Variants in FBXL13 observed in about 807,000 individuals in gnomAD.
The protein encoded by FBXL13 is F-box and leucine-rich repeat protein 13.
A neutral mutation model predicts 83.6 loss-of-function variants in FBXL13; 67 were observed. The observed-to-expected ratio is 0.80, with a 90% CI of 0.66 to 0.98. The LOEUF is 0.98. Ranked by LOEUF, FBXL13 falls within the 50% of genes least tolerant of loss-of-function variation. The pLI, the probability that FBXL13 is intolerant of heterozygous loss-of-function variation, is 0.00. For synonymous variants in FBXL13, 272 were observed against 299.5 expected (o/e 0.91, Z 0.95); for missense variants, 822 against 866.5 (o/e 0.95, Z 0.64).
chr7:102,934,225 T>A, intron 8 of FBXL13: 1 of 1,614,210 alleles, frequency 6.2e-7, no homozygotes, highest in Non-Finnish European at 8.5e-7. Context: ...TTTCCAAGTT[T>A]AAAAAGCTGA....
intron 16 of FBXL13, chr7:102,874,464 T>C (rs900691168): frequency 1.6e-5 from 8 of 500,792 alleles, no homozygotes; most frequent in African/African-American, 4.2e-5. Context: ...TACTTCCCCA[T>C]AGATATCCAT....
chr7:103,043,217 A>G (rs1284256367), intron 2 of FBXL13, among the ~76,000 whole-genome samples: 1 of 152,266 alleles, frequency 6.6e-6, no homozygotes, highest in Non-Finnish European at 1.5e-5. Context: ...AACATATGAA[A>G]AAAAGCTCAT....
intron 17 of FBXL13, among the ~76,000 whole-genome samples, chr7:102,847,946 T>C (rs538736900): frequency 1.2e-4 from 19 of 152,348 alleles, no homozygotes; most frequent in African/African-American, 4.6e-4. Context: ...TAAATACATA[T>C]ACACATTGAC....
At chr7:102,869,063 T>C (rs1181834574) in intron 16 of FBXL13, among the ~76,000 whole-genome samples, 1 of 152,210 alleles carries the variant, frequency 6.6e-6, no homozygotes, top group Non-Finnish European at 1.5e-5. Context: ...GCTAATGTTT[T>C]CCATAATGGC....
intron 2 of FBXL13, among the ~76,000 whole-genome samples, chr7:103,048,567 C>A (rs1307619039): frequency 1.3e-5 from 2 of 152,128 alleles, no homozygotes; most frequent in East Asian, 3.9e-4. Flanking sequence ...ACAGACAAAT[C>A]TATCTAATCT....
chr7:102,900,512 G>A (rs1302292665), intron 11 of FBXL13, among the ~76,000 whole-genome samples: 1 of 152,176 alleles, frequency 6.6e-6, no homozygotes, highest in Non-Finnish European at 1.5e-5. Flanking sequence ...TCTTCGAGGT[G>A]AAAACCTTAA....
intron 17 of FBXL13, among the ~76,000 whole-genome samples, chr7:102,834,430 GATTATATAT>G (rs1015400343): frequency 6.4e-5 from 9 of 139,878 alleles, no homozygotes; most frequent in Non-Finnish European, 1.4e-4. Flanking sequence ...ATATATGTGT[GATTATATAT>G]ATTATATATA....
chr7:103,012,232 G>A (rs970400971), intron 6 of FBXL13, among the ~76,000 whole-genome samples: 41 of 152,036 alleles, frequency 2.7e-4, no homozygotes, highest in African/African-American at 8.7e-4. Flanking sequence ...AAAATTAGCC[G>A]GGCGTGGTGG....
intron 1 of FBXL13, among the ~76,000 whole-genome samples, chr7:103,067,749 A>G (rs917226522): frequency 6.6e-6 from 1 of 152,254 alleles, no homozygotes; most frequent in Non-Finnish European, 1.5e-5. Context: ...CTCAAGCAAT[A>G]ATATTCTGTC....
intron 6 of FBXL13, among the ~76,000 whole-genome samples, chr7:103,006,064 C>G (rs889041683): frequency 1.3e-5 from 2 of 152,110 alleles, no homozygotes. Flanking sequence ...GTATTGTGAT[C>G]TCCAAAAGAA....
chr7:102,911,157 G>C (rs1448397282), intron 11 of FBXL13, among the ~76,000 whole-genome samples: 1 of 152,202 alleles, frequency 6.6e-6, no homozygotes, highest in African/African-American at 2.4e-5. Context: ...CCACCATCTT[G>C]CTTCACCTCC....
At chr7:102,879,439 A>ATGTGTG (rs139051886) in intron 14 of FBXL13, among the ~76,000 whole-genome samples, 24,567 of 144,630 alleles carry the variant, frequency 0.17, 2,094 homozygotes, top group Middle Eastern at 0.2. Context: ...GCAGTTAAGG[A>ATGTGTG]TGTGTGTGTG....
chr7:102,960,081 T>G (rs1407608045), intron 8 of FBXL13, among the ~76,000 whole-genome samples: 2 of 152,104 alleles, frequency 1.3e-5, no homozygotes, highest in South Asian at 2.1e-4. Context: ...AAAGATGGTT[T>G]TACTGTCTAT....
chr7:102,856,374 T>A (rs948508707), intron 16 of FBXL13, among the ~76,000 whole-genome samples: 5 of 152,224 alleles, frequency 3.3e-5, no homozygotes, highest in African/African-American at 1.2e-4. Context: ...TTTGTCTCTT[T>A]ACCCTATACT....
downstream of FBXL13, chr7:102,813,220 C>G: frequency 1.2e-6 from 1 of 825,138 alleles, no homozygotes; most frequent in Non-Finnish European, 1.9e-6. Context: ...GAATAAGAAT[C>G]AGAAGATGGT....
chr7:102,883,496 AGTATT>A (rs1187000575), intron 13 of FBXL13, 29 bp from the exon 15 acceptor site: 1 of 1,599,502 alleles, frequency 6.3e-7, no homozygotes, highest in Non-Finnish European at 8.5e-7. Context: ...AGAAAAGACA[AGTATT>A]GTATTTAGAA....
At chr7:102,880,490 G>T (rs568115220) in intron 14 of FBXL13, among the ~76,000 whole-genome samples, 11 of 152,036 alleles carry the variant, frequency 7.2e-5, no homozygotes, top group African/African-American at 2.4e-4. Context: ...TAAAAGTTAG[G>T]TTTTTTTCCC....
At chr7:102,837,652 C>T (rs1802231543) in intron 17 of FBXL13, among the ~76,000 whole-genome samples, 1 of 152,132 alleles carries the variant, frequency 6.6e-6, no homozygotes, top group South Asian at 2.1e-4. Context: ...AATTCCTGGG[C>T]TTGAATGATC....
At chr7:103,072,396 T>C (rs1436195739) in intron 1 of FBXL13, among the ~76,000 whole-genome samples, 2 of 152,172 alleles carry the variant, frequency 1.3e-5, no homozygotes, top group Non-Finnish European at 2.9e-5. Flanking sequence ...CAGGAGAACA[T>C]GATCTTAGAC....
Sources: gnomAD v4.1 joint callset for allele counts (sites outside exome capture counted in the v4.1 genomes callset) on GRCh38, gnomAD v4.1.1 for gene constraint, MANE v1.5 for transcripts, NCBI Gene and HGNC (gene_info 2026-07-23, HGNC 2026-07-21) for gene names.